SOS2: variants seen among roughly 807,000 people sequenced by gnomAD.
SOS2 encodes son of sevenless homolog 2.
In SOS2, 65 loss-of-function variants were observed where a neutral mutation model predicts 148.2. The observed-to-expected ratio is 0.44, with a 90% CI of 0.36 to 0.54. SOS2 has a LOEUF of 0.54. SOS2 is among the 20% of genes least tolerant of loss of function. The probability of loss-of-function intolerance (pLI) is 0.00; values close to 1 mark genes in which losing one functional copy is unlikely to be tolerated. For missense variants in SOS2, 1,341 were observed against 1,590.2 expected (o/e 0.84, Z 2.67); for synonymous variants, 539 against 537.1 (o/e 1.00, Z -0.05).
intron 20 of SOS2, 73 bp downstream of exon 20, chr14:50,130,428 C>A: frequency 1.6e-6 from 2 of 1,274,010 alleles, no homozygotes; most frequent in South Asian, 1.4e-5. Flanking sequence ...CTATAGTTCC[C>A]TAATTAAAAT....
intron 1 of SOS2, among the ~76,000 whole-genome samples, chr14:50,214,313 T>TAA (rs764391879): frequency 2.1e-5 from 3 of 144,150 alleles, no homozygotes; most frequent in African/African-American, 5.1e-5. Context: ...GGACCAATAA[T>TAA]AAAAAAAAAA....
intron 11 of SOS2, among the ~76,000 whole-genome samples, chr14:50,157,825 T>G (rs1208603641): frequency 6.6e-6 from 1 of 152,138 alleles, no homozygotes; most frequent in Non-Finnish European, 1.5e-5. Flanking sequence ...GGAGTCCAGA[T>G]TCTACATTTT....
At position 50,178,721 on chromosome 14, in the gene SOS2, TACAC is replaced by T. The variant is rs60850219; in HGVS notation, c.969+1847_969+1850del. ...ATATATATATATATATACACACATA[TACAC>T]ACACATATATATATATATATTTTTT... On this transcript the variant is annotated intron_variant, in intron 7 of 22. Transcript: ENST00000216373. 1.1e-3 allele frequency among the ~76,000 whole-genome samples: 148 copies of T among 133,276 alleles called. 2 individuals are homozygous for T. Among genetic ancestry groups the T allele is most frequent in the East Asian group, 5.6e-3 (26 of 4,684 alleles). 87.4% of individuals were successfully genotyped at this position (133,276 alleles called of 152,430 possible).
chr14:50,122,390 G>GTTTTTTTTTTTTTTTTTTT (rs1566816230), intron 21 of SOS2, among the ~76,000 whole-genome samples: 1 of 60,556 alleles, frequency 1.7e-5, no homozygotes, highest in Admixed American at 2.3e-4. Flanking sequence ...AGAACCCTGG[G>GTTTTTTTTTTTTTTTTTTT]CTTTTTTTTT....
intron 14 of SOS2, 113 bp from the exon 15 acceptor site, chr14:50,145,709 A>G (rs1594970299): frequency 3.1e-6 from 2 of 636,650 alleles, no homozygotes; most frequent in Non-Finnish European, 5.4e-6. Flanking sequence ...ATGAACACAT[A>G]TATGAACAAG....
At chr14:50,124,711 C>T (rs959942350) in intron 21 of SOS2, among the ~76,000 whole-genome samples, 1 of 152,158 alleles carries the variant, frequency 6.6e-6, no homozygotes. Context: ...TCTAATGATG[C>T]TGAACTATCT....
In SOS2 at chr14:50,157,141, G is replaced by C. The variant is rs376985307; in HGVS notation, c.1935-20C>G. ...TCAAACCTAAGAAGAAAAGCAAAAGGAGAAAAATCCGTTCATACATAATGA... is the reference window on the plus strand; with the variant it reads ...TCAAACCTAAGAAGAAAAGCAAAAGCAGAAAAATCCGTTCATACATAATGA... On this transcript the variant is annotated intron_variant, in intron 11 of 22. Coordinates refer to ENST00000216373, the MANE Select transcript of SOS2 (RefSeq NM_006939.4). The C allele has an allele frequency of 8.9e-5, 143 of 1,605,158 alleles. No homozygotes were observed. The highest frequency in any genetic ancestry group is 5.0e-4 in the Middle Eastern group (3 of 6,030).
Position 50,158,552 on chromosome 14 carries a change from A to G in SOS2, c.1934+13T>C, listed in dbSNP as rs764631414. 6.6e-6 allele frequency: 10 copies of G among 1,505,012 alleles called. No individual in the cohort carries two copies. Among genetic ancestry groups the G allele is most frequent in the Admixed American group, 1.8e-5 (1 of 56,228 alleles). 93.2% of individuals were successfully genotyped at this position (1,505,012 alleles called of 1,614,324 possible). A position where few individuals can be genotyped will look rare whatever the true frequency, so the allele number is the denominator to read the frequency against. The stretch of plus-strand genomic sequence containing the variant: ...CAAAATGTCAATATAACTGAAATAC[A>G]TATTTTTCTTACCGTTCAATCAGTA... On this transcript the variant is annotated intron_variant, in intron 11 of 22. Transcript: ENST00000216373.
rs934357386 is a variant in SOS2, at chr14:50,118,772, C to A, written c.3571G>T (p.Val1191Phe). Reference sequence around the variant, plus strand: ...GGCCCATCAAATGCACCAGTAGGAACAGGAACTCTGGGTTTTACCTTTGGA... The same window carrying A: ...GGCCCATCAAATGCACCAGTAGGAAAAGGAACTCTGGGTTTTACCTTTGGA... ...PPPKVKPRVP[V>F]PTGAFDGPLH... Residue 1191 changes from valine to phenylalanine, a missense_variant, in exon 23 of 23, where the codon GTT becomes TTT. By Grantham distance (50) the Val-to-Phe change is conservative. Around this residue, in one of 4 missense-constraint regions of SOS2, gnomAD observed 354 missense variants for 347.7 expected, o/e 1.02. Coordinates refer to ENST00000216373, the MANE Select transcript of SOS2 (RefSeq NM_006939.4). 1 of 1,590,322 alleles carries A rather than the reference C, an allele frequency of 6.3e-7. No individual in the cohort carries two copies.
chr14:50,156,390 G>A (rs1034800387), intron 12 of SOS2: 1 of 151,968 alleles, frequency 6.6e-6, no homozygotes, highest in African/African-American at 2.4e-5. Context: ...ATATAAAGTA[G>A]GAATAGTAAT....
intron 1 of SOS2, among the ~76,000 whole-genome samples, chr14:50,220,517 A>C (rs928669893): frequency 6.6e-6 from 1 of 151,934 alleles, no homozygotes; most frequent in Non-Finnish European, 1.5e-5. Flanking sequence ...AATTATCTGG[A>C]TACTGGAAAA....
At chr14:50,188,098 A>C (rs1885980535) in intron 5 of SOS2, among the ~76,000 whole-genome samples, 1 of 152,216 alleles carries the variant, frequency 6.6e-6, no homozygotes, top group African/African-American at 2.4e-5. Flanking sequence ...GTACTCATAA[A>C]GTATTTAAAG....
intron 8 of SOS2, among the ~76,000 whole-genome samples, chr14:50,165,637 T>A (rs538157802): frequency 2.4e-4 from 37 of 152,330 alleles, no homozygotes; most frequent in African/African-American, 7.9e-4. Context: ...ATTGTAAACA[T>A]CTTAATGCCT....
chr14:50,134,863 C>T (rs572327850), intron 18 of SOS2, among the ~76,000 whole-genome samples: 37 of 151,798 alleles, frequency 2.4e-4, no homozygotes, highest in African/African-American at 7.0e-4. Flanking sequence ...CACCTGAGGT[C>T]GGGAGTTTGA....
chr14:50,123,933 G>A (rs1467776079), intron 21 of SOS2, among the ~76,000 whole-genome samples: 1 of 152,164 alleles, frequency 6.6e-6, no homozygotes, highest in Non-Finnish European at 1.5e-5. Flanking sequence ...TGGCGTGTGA[G>A]AAAGGGAGAG....
chr14:50,152,673 G>A (rs527478563), intron 13 of SOS2, among the ~76,000 whole-genome samples: 1 of 152,252 alleles, frequency 6.6e-6, no homozygotes, highest in South Asian at 2.1e-4. Context: ...GAAAAATGCT[G>A]GCCAGGCATG....
At chr14:50,185,685 C>T (rs1194944230) in intron 5 of SOS2, among the ~76,000 whole-genome samples, 1 of 139,140 alleles carries the variant, frequency 7.2e-6, no homozygotes, top group African/African-American at 2.8e-5. Flanking sequence ...GAGCAAGACT[C>T]TGTCTCAAAA....
intron 1 of SOS2, among the ~76,000 whole-genome samples, chr14:50,230,545 A>G (rs866403018): frequency 2.0e-4 from 30 of 152,188 alleles, no homozygotes; most frequent in African/African-American, 7.0e-4. Flanking sequence ...TGTTCCTTAA[A>G]ATGATTTCAA....
intron 7 of SOS2, among the ~76,000 whole-genome samples, chr14:50,176,402 T>C (rs906372829): frequency 6.6e-6 from 1 of 152,234 alleles, no homozygotes; most frequent in African/African-American, 2.4e-5. Context: ...TTATATACAG[T>C]GCTTGAACTG....
Sources: gnomAD v4.1 joint callset for allele counts (sites outside exome capture counted in the v4.1 genomes callset) on GRCh38, gnomAD v4.1.1 for gene constraint, gnomAD v4.1.1 regional missense constraint, MANE v1.5 for transcripts, NCBI Gene and HGNC (gene_info 2026-07-23, HGNC 2026-07-21) for gene names.